The following CHMP2B variants were observed in gnomAD, a reference collection of about 807,000 sequenced individuals.
CHMP2B encodes the protein VPS2 homolog B.
In CHMP2B, 22 loss-of-function variants were observed where a neutral mutation model predicts 29.8. The observed-to-expected ratio is 0.74, with a 90% confidence interval of 0.53 to 1.05. The LOEUF (loss-of-function observed/expected upper bound fraction) is 1.05, where lower values mean the gene tolerates loss of function less well. Among genes scored for constraint, CHMP2B ranks in the 50% least tolerant of loss-of-function variants. The pLI is 0.00. For synonymous variants in CHMP2B, 78 were observed against 75.8 expected (o/e 1.03, Z -0.15); for missense variants, 261 against 252.2 (o/e 1.03, Z -0.24).
At chr3:87,230,758 A>G (rs975706378) in intron 1 of CHMP2B, among the ~76,000 whole-genome samples, 7 of 151,988 alleles carry the variant, frequency 4.6e-5, no homozygotes, top group Non-Finnish European at 7.4e-5. Context: ...TGCCTCCCCC[A>G]CCTTACAGCA....
chr3:87,249,040 A>G (rs942764900), intron 3 of CHMP2B, among the ~76,000 whole-genome samples: 2 of 152,188 alleles, frequency 1.3e-5, no homozygotes, highest in African/African-American at 4.8e-5. Flanking sequence ...TTGTGTAAAC[A>G]TTACAGAGTA....
chr3:87,245,670 A>T, intron 2 of CHMP2B, 44 bp from the exon 3 acceptor site: 1 of 1,491,602 alleles, frequency 6.7e-7, no homozygotes, highest in Non-Finnish European at 9.3e-7. Context: ...ATTGACGACT[A>T]CCCTTTAATA....
intron 2 of CHMP2B, among the ~76,000 whole-genome samples, chr3:87,244,844 T>G (rs1166444310): frequency 6.6e-6 from 1 of 152,188 alleles, no homozygotes; most frequent in African/African-American, 2.4e-5. Flanking sequence ...GTGATAGTGT[T>G]TTTTAAGCCT....
At chr3:87,233,923 C>G (rs1326295654) in intron 1 of CHMP2B, among the ~76,000 whole-genome samples, 1 of 152,010 alleles carries the variant, frequency 6.6e-6, no homozygotes, top group African/African-American at 2.4e-5. Flanking sequence ...TAGTGAAAAA[C>G]ACAGCATACA....
In CHMP2B at chr3:87,254,614, C is replaced by T. The variant is rs1283033159; in HGVS notation, c.*792C>T. 1 of 151,908 alleles carries T rather than the reference C, an allele frequency of 6.6e-6. No homozygotes were observed. The highest frequency in any genetic ancestry group is 1.5e-5 in the Non-Finnish European group (1 of 67,878). 9.4% of individuals were successfully genotyped at this position (151,908 alleles called of 1,614,324 possible). ...TTAAAACAGACCAGGTTTTCCTGGT[C>T]TCAGACCTATGATGACTTGTCCCTT... On this transcript the variant is annotated 3_prime_UTR_variant, in exon 6 of 6. Coordinates refer to ENST00000263780, the MANE Select transcript of CHMP2B (RefSeq NM_014043.4).
At position 87,255,193 on chromosome 3, in the gene CHMP2B, G is replaced by A. The variant is rs1365475231; in HGVS notation, c.*1371G>A. The A allele has an allele frequency of 1.3e-5, 2 of 152,190 alleles. No homozygotes were observed. The highest frequency in any genetic ancestry group is 3.8e-4 in the East Asian group (2 of 5,196). The allele number at this position is 152,190 out of a possible 1,614,324, so 9.4% of individuals were successfully genotyped here. ...TACATCTTAGGACTAGTATACATGT[G>A]ACACGGATTGCTAGGAGGAATGAAA... On this transcript the variant is annotated 3_prime_UTR_variant, in exon 6 of 6. Coordinates refer to ENST00000263780, the MANE Select transcript of CHMP2B (RefSeq NM_014043.4).
At chr3:87,234,894 G>A (rs1317972331) in intron 1 of CHMP2B, among the ~76,000 whole-genome samples, 2 of 152,140 alleles carry the variant, frequency 1.3e-5, no homozygotes, top group South Asian at 2.1e-4. Flanking sequence ...TTATTTCAAT[G>A]TTTCACATTT....
intron 3 of CHMP2B, among the ~76,000 whole-genome samples, chr3:87,248,372 AT>A (rs1706253826): frequency 6.7e-6 from 1 of 150,056 alleles, no homozygotes; most frequent in African/African-American, 2.4e-5. Flanking sequence ...TGAGTGTCTG[AT>A]TTTTGAGACA....
In CHMP2B at chr3:87,245,879, A is replaced by G. The variant is rs756918791; in HGVS notation, c.292A>G (p.Met98Val). The change falls in exon 3 of 6, where the codon ATG becomes GTG. Residue 98 changes from methionine to valine, a missense_variant. Transcript: ENST00000263780. Reference sequence around the variant, plus strand: ...AAAAGTGATGAATTCCCAAATGAAGATGGCTGGAGCAATGTCTACTACAGC... The same window carrying G: ...AAAAGTGATGAATTCCCAAATGAAGGTGGCTGGAGCAATGTCTACTACAGC... The part of the protein sequence containing the change: ...QTKVMNSQMK[M>V]AGAMSTTAKT... 6 of 1,613,306 alleles carry G rather than the reference A, an allele frequency of 3.7e-6. No homozygotes were observed. Among genetic ancestry groups the G allele is most frequent in the Non-Finnish European group, 5.1e-6 (6 of 1,179,734 alleles).
Position 87,254,828 on chromosome 3 carries a change from A to G in CHMP2B, c.*1006A>G, listed in dbSNP as rs1706376226. 6.6e-6 allele frequency: 1 copy of G among 152,032 alleles called. No homozygotes were observed. Among genetic ancestry groups the G allele is most frequent in the African/African-American group, 2.4e-5 (1 of 41,438 alleles). 9.4% of individuals were successfully genotyped at this position (152,032 alleles called of 1,614,324 possible). On this transcript the variant is annotated 3_prime_UTR_variant, in exon 6 of 6. Coordinates refer to ENST00000263780, the MANE Select transcript of CHMP2B (RefSeq NM_014043.4). ...CTTCCAAATTGAAGCCATTATTCTC[A>G]ATTAAGTACTACAACTATGACAATG...
rs559854331 is a variant in CHMP2B, at chr3:87,241,835, G to A, written c.126+1045G>A. On this transcript the variant is annotated intron_variant, in intron 2 of 5. Transcript: ENST00000263780. ...GTATATTCCTGAGAGTGAGATTGCT[G>A]GGTCATAGGGTAAATGTATGTTTAA... Among the ~76,000 whole-genome samples the A allele has an allele frequency of 2.6e-5, 4 of 152,150 alleles. No individual in the cohort carries two copies. The South Asian group carries it at 8.3e-4, about 32-fold the overall frequency.
intron 1 of CHMP2B, 104 bp downstream of exon 1, chr3:87,227,660 G>A: frequency 6.8e-7 from 1 of 1,478,262 alleles, no homozygotes; most frequent in Non-Finnish European, 9.5e-7. Flanking sequence ...GGCGGGGCTG[G>A]ATCAAGTGGT....
At chr3:87,252,747 TA>T (rs1179271509) in intron 4 of CHMP2B, among the ~76,000 whole-genome samples, 1 of 151,854 alleles carries the variant, frequency 6.6e-6, no homozygotes, top group Non-Finnish European at 1.5e-5. Context: ...GATTCAAAGA[TA>T]AAAAAGACAT....
At position 87,242,253 on chromosome 3, in the gene CHMP2B, C is replaced by T. The variant is rs554530927; in HGVS notation, c.126+1463C>T. Among the ~76,000 whole-genome samples, 4 of 152,016 alleles carry T rather than the reference C, an allele frequency of 2.6e-5. No homozygotes were observed. The East Asian group carries it at 5.8e-4, about 22-fold the overall frequency. On this transcript the variant is annotated intron_variant, in intron 2 of 5. Transcript: ENST00000263780. ...AGTTCTTAACCTTGTCCTTCATTTT[C>T]CTAAGTGTGTTTTGAGGAATGAAAG... is the stretch of plus-strand genomic sequence containing the variant.
Position 87,254,645 on chromosome 3 carries a change from T to A in CHMP2B, c.*823T>A, listed in dbSNP as rs541812197. 1 of 152,012 alleles carries A rather than the reference T, an allele frequency of 6.6e-6. No homozygotes were observed. The highest frequency in any genetic ancestry group is 2.4e-5 in the African/African-American group (1 of 41,510). The allele number at this position is 152,012 out of a possible 1,614,324, so 9.4% of individuals were successfully genotyped here. A position where few individuals can be genotyped will look rare whatever the true frequency, so the allele number is the denominator to read the frequency against. ...CCTATGATGACTTGTCCCTTTGATGTCACTACTGTGAATTGAATATAATTA... is the reference window on the plus strand; with the variant it reads ...CCTATGATGACTTGTCCCTTTGATGACACTACTGTGAATTGAATATAATTA... On this transcript the variant is annotated 3_prime_UTR_variant, in exon 6 of 6. Coordinates refer to ENST00000263780, the MANE Select transcript of CHMP2B (RefSeq NM_014043.4).
At chr3:87,235,815 C>T (rs1286706776) in intron 1 of CHMP2B, among the ~76,000 whole-genome samples, 1 of 152,132 alleles carries the variant, frequency 6.6e-6, no homozygotes, top group African/African-American at 2.4e-5. Flanking sequence ...ACAAGACTGC[C>T]CTACTTCAGA....
chr3:87,247,889 AT>A (rs1326708374), intron 3 of CHMP2B, among the ~76,000 whole-genome samples: 1 of 152,220 alleles, frequency 6.6e-6, no homozygotes, highest in African/African-American at 2.4e-5. Flanking sequence ...CATTATATAC[AT>A]GTAACAAAAT....
At position 87,227,545 on chromosome 3, in the gene CHMP2B, A is replaced by G; in HGVS notation, c.23A>G (p.Lys8Arg). Residue 8 changes from lysine (K) to arginine (R), a missense_variant, in exon 1 of 6, where the codon AAA (lysine) becomes AGA (arginine). Physicochemically the swap from Lys to Arg is conservative, Grantham distance 26. Coordinates refer to ENST00000263780, the MANE Select transcript of CHMP2B (RefSeq NM_014043.4). MASLFKK[K>R]TVDDVIKEQN... ...ACCATGGCGTCCCTCTTCAAGAAGA[A>G]AACCGTGGATGGTGAGTTCCAGGCC... 1 of 1,614,110 alleles carries G rather than the reference A, an allele frequency of 6.2e-7. No individual in the cohort carries two copies. Among genetic ancestry groups the G allele is most frequent in the Admixed American group, 1.7e-5 (1 of 60,032 alleles).
At chr3:87,243,269 C>G (rs1447128436) in intron 2 of CHMP2B, among the ~76,000 whole-genome samples, 1 of 151,980 alleles carries the variant, frequency 6.6e-6, no homozygotes, top group Non-Finnish European at 1.5e-5. Flanking sequence ...CAGGGACACA[C>G]CCCACTTGGT....
Sources: gnomAD v4.1 joint callset for allele counts (sites outside exome capture counted in the v4.1 genomes callset) on GRCh38, gnomAD v4.1.1 for gene constraint, MANE v1.5 for transcripts, NCBI Gene and HGNC (gene_info 2026-07-23, HGNC 2026-07-21) for gene names.